The following HDAC4 variants were observed in gnomAD, a reference collection of about 807,000 sequenced individuals.
HDAC4 encodes histone deacetylase A.
In HDAC4, 16 loss-of-function variants were observed where a neutral mutation model predicts 135.1. The observed-to-expected ratio is 0.12, with a 90% CI of 0.08 to 0.18. The LOEUF (loss-of-function observed/expected upper bound fraction) is 0.18. HDAC4 is among the 10% of genes least tolerant of loss of function. The pLI, the probability that HDAC4 is intolerant of heterozygous loss-of-function variation, is 1.00. For synonymous variants in HDAC4, 685 were observed against 653.4 expected, an observed-to-expected ratio of 1.05 and a Z score of -0.74; for missense variants, 1,143 against 1,511.8, an observed-to-expected ratio of 0.76 and a Z score of 4.05.
chr2:239,115,012 G>C lies in HDAC4; in HGVS notation c.1791+41C>G. 6.2e-7 allele frequency: 1 copy of C among 1,603,052 alleles called. No homozygotes were observed. The highest frequency in any genetic ancestry group is 8.5e-7 in the Non-Finnish European group (1 of 1,178,624). ...TGCCACCTGGGGACCGAGGGTGGCT[G>C]TGCGTGCCAGCCTTCTGGTGCCCTC... is the stretch of plus-strand genomic sequence containing the variant. On this transcript the variant is annotated intron_variant, in intron 13 of 26. Transcript: ENST00000543185. The surrounding 1 kb of genome is among the most constrained non-coding windows in gnomAD (Gnocchi z 6.3).
intron 24 of HDAC4, among the ~76,000 whole-genome samples, chr2:239,060,299 C>T (rs2032490785): frequency 1.3e-5 from 2 of 152,306 alleles, no homozygotes; most frequent in South Asian, 4.1e-4. Context: ...TGGGTGTTGT[C>T]TCCCTGGACT....
chr2:239,325,797 T>C (rs192925799), intron 2 of HDAC4, among the ~76,000 whole-genome samples: 203 of 152,080 alleles, frequency 1.3e-3, no homozygotes, highest in African/African-American at 4.6e-3. Flanking sequence ...AAACCCCATC[T>C]CTACTAAAAA....
At chr2:239,077,336 G>A (rs1468615971) in intron 22 of HDAC4, among the ~76,000 whole-genome samples, 1 of 152,228 alleles carries the variant, frequency 6.6e-6, no homozygotes, top group Non-Finnish European at 1.5e-5. Flanking sequence ...GGACTCAGCT[G>A]GGGGCTTGCC....
intron 16 of HDAC4, among the ~76,000 whole-genome samples, chr2:239,100,718 C>T (rs889402090): frequency 6.6e-6 from 1 of 152,180 alleles, no homozygotes. Flanking sequence ...CCCCTGATGT[C>T]AGCTTCTTTG....
At chr2:239,081,297 C>G in intron 21 of HDAC4, 105 bp from the exon 22 acceptor site, 1 of 933,714 alleles carries the variant, frequency 1.1e-6, no homozygotes, top group Non-Finnish European at 1.7e-6. Flanking sequence ...CCTTGGTGGG[C>G]CCCTGGGGAG....
chr2:239,263,705 T>C (rs890379714), intron 2 of HDAC4, among the ~76,000 whole-genome samples: 1 of 152,034 alleles, frequency 6.6e-6, no homozygotes, highest in Non-Finnish European at 1.5e-5. Flanking sequence ...AAGTTGGAGG[T>C]GTTAACCACA....
chr2:239,108,269 G>A, intron 14 of HDAC4, 86 bp from the exon 15 acceptor site: 1 of 1,454,580 alleles, frequency 6.9e-7, no homozygotes, highest in Admixed American at 2.0e-5. Flanking sequence ...GGTGGTGGCG[G>A]AACCACCACT....
chr2:239,086,358 TGTACATGAAGGAGA>T (rs1410374532), intron 19 of HDAC4, among the ~76,000 whole-genome samples: 1 of 144,162 alleles, frequency 6.9e-6, no homozygotes, highest in Non-Finnish European at 1.5e-5. Context: ...GTCTCCTCCC[TGTACATGAAGGAGA>T]ATCTGCTCTA....
In HDAC4 at chr2:239,126,452, C is replaced by T. The variant is rs1184474318; in HGVS notation, c.1533+4G>A. 1.2e-6 allele frequency: 2 copies of T among 1,613,702 alleles called. No homozygotes were observed. Among genetic ancestry groups the T allele is most frequent in the East Asian group, 2.2e-5 (1 of 44,886 alleles). ...GCCTGGGAGCGCTGAGCCGGCAAAC[C>T]CACCTTGTTCATCTGCAGTTGCTGC... On this transcript the variant is annotated splice_donor_region_variant and intron_variant, in intron 12 of 26. Coordinates refer to ENST00000543185, the MANE Select transcript of HDAC4 (RefSeq NM_001378414.1).
chr2:239,336,495 C>G (rs914715092), intron 2 of HDAC4, among the ~76,000 whole-genome samples: 2 of 152,072 alleles, frequency 1.3e-5, no homozygotes, highest in African/African-American at 4.8e-5. Flanking sequence ...GTTACTCTAC[C>G]ACATCCATGC....
chr2:239,134,289 A>G lies in HDAC4; in HGVS notation c.1250T>C (p.Met417Thr). ...GAAHSPLLQH[M>T]VLLEQPPAQA... ...TGCCGGCGGCTGCTCCAGTAAGACC[A>G]TGTGCTGCAGAAGAGGGCTGTGCGC... Residue 417 changes from methionine to threonine, a missense_variant, in exon 11 of 27, where the codon ATG becomes ACG. By Grantham distance (81) the Met-to-Thr change is moderately conservative (BLOSUM62 -1). Coordinates refer to ENST00000543185, the MANE Select transcript of HDAC4 (RefSeq NM_001378414.1). The G allele has an allele frequency of 1.2e-6, 2 of 1,613,410 alleles. No individual in the cohort carries two copies. The highest frequency in any genetic ancestry group is 2.7e-5 in the African/African-American group (2 of 75,050).
In HDAC4 at chr2:239,236,650, G is replaced by A. The variant is rs1336002481; in HGVS notation, c.37C>T (p.Arg13Ter). The change falls in exon 3 of 27, where the codon CGA becomes TGA. Residue 13 changes from arginine to a stop codon, truncating the protein, a stop_gained. Transcript: ENST00000543185. LOFTEE classifies it high-confidence loss of function. ...SQSHPDGLSG[R>*]DQPVELLNPA... ...TTCAGCAGCTCCACTGGCTGGTCTC[G>A]GCCAGAAAGTCCATCTGGAGAACAG... is the stretch of plus-strand genomic sequence containing the variant. 1 of 1,551,462 alleles carries A rather than the reference G, an allele frequency of 6.4e-7. No individual in the cohort carries two copies. Among genetic ancestry groups the A allele is most frequent in the Non-Finnish European group, 8.7e-7 (1 of 1,146,922 alleles).
At chr2:239,297,373 T>C (rs1324910407) in intron 2 of HDAC4, among the ~76,000 whole-genome samples, 2 of 152,180 alleles carry the variant, frequency 1.3e-5, no homozygotes, top group African/African-American at 4.8e-5. Flanking sequence ...CACCAACCTG[T>C]GGGCAAGCCA....
Position 239,084,182 on chromosome 2 carries a change from G to C in HDAC4, c.2505C>G (p.Ser835Arg). 1.9e-6 allele frequency: 3 copies of C among 1,613,364 alleles called. No homozygotes were observed. Among genetic ancestry groups the C allele is most frequent in the South Asian group, 1.1e-5 (1 of 90,986 alleles). Residue 835 changes from serine (S) to arginine (R), a missense_variant, in exon 20 of 27, where the codon AGC becomes AGG. Ser to Arg is a moderately radical substitution (Grantham distance 110). Coordinates refer to ENST00000543185, the MANE Select transcript of HDAC4 (RefSeq NM_001378414.1). Reference sequence around the variant, plus strand: ...AGTCCACGATGAGGATCTTGCTCACGCTCAACCTCTGCTGCAGAAGCTTGG... The same window carrying C: ...AGTCCACGATGAGGATCTTGCTCACCCTCAACCTCTGCTGCAGAAGCTTGG... ...VAAKLLQQRL[S>R]VSKILIVDWD...
At chr2:239,100,223 G>A (rs1307675169) in intron 16 of HDAC4, among the ~76,000 whole-genome samples, 1 of 152,190 alleles carries the variant, frequency 6.6e-6, no homozygotes, top group Non-Finnish European at 1.5e-5. Context: ...TGCCTTCCCT[G>A]GGAACTCCTG....
Position 239,397,265 on chromosome 2 carries a change from C to T in HDAC4, c.-220+3713G>A, listed in dbSNP as rs552295874. Among the ~76,000 whole-genome samples the T allele has an allele frequency of 2.6e-5, 4 of 152,310 alleles. No homozygotes were observed. The East Asian group carries it at 7.7e-4, about 29-fold the overall frequency. Reference sequence around the variant, plus strand: ...GAGATGCAGGGGGTGGCACATGGTCCATTTCATTCTACCCCCAGTTCCTCC... The same window carrying T: ...GAGATGCAGGGGGTGGCACATGGTCTATTTCATTCTACCCCCAGTTCCTCC... On this transcript the variant is annotated intron_variant, in intron 1 of 26. Coordinates refer to ENST00000543185, the MANE Select transcript of HDAC4 (RefSeq NM_001378414.1).
rs1438518798 is a variant in HDAC4, at chr2:239,307,736, T to A, written c.22+44942A>T. 6.6e-6 allele frequency among the ~76,000 whole-genome samples: 1 copy of A among 152,170 alleles called. No homozygotes were observed. The highest frequency in any genetic ancestry group is 1.5e-5 in the Non-Finnish European group (1 of 68,036). ...GCAAATGCTGCTGGGATGATTTTCT[T>A]CAAGTTCTCTTTTAGAACAAGCAAA... On this transcript the variant is annotated intron_variant, in intron 2 of 26. Transcript: ENST00000543185. The surrounding 1 kb of genome is among the most constrained non-coding windows in gnomAD (Gnocchi z 4.8).
At position 239,190,007 on chromosome 2, in the gene HDAC4, G is replaced by C. The variant is rs1303851024; in HGVS notation, c.165C>G (p.His55Gln). Residue 55 changes from histidine to glutamine, a missense_variant, in exon 4 of 27, where the codon CAC becomes CAG. His to Gln is a conservative substitution (Grantham distance 24). Around this residue, in one of 9 missense-constraint regions of HDAC4, gnomAD observed 247 missense variants for 310.0 expected, o/e 0.80. Transcript: ENST00000543185. Reference sequence around the variant, plus strand: ...GCTCTGCCACAGGCAGTGAGAACTGGTGGTCCAGGCGCAGGTCCATGGGCA... The same window carrying C: ...GCTCTGCCACAGGCAGTGAGAACTGCTGGTCCAGGCGCAGGTCCATGGGCA... ...SAVPMDLRLD[H>Q]QFSLPVAEPA... 1 of 1,605,906 alleles carries C rather than the reference G, an allele frequency of 6.2e-7. No homozygotes were observed. Among genetic ancestry groups the C allele is most frequent in the Non-Finnish European group, 8.5e-7 (1 of 1,179,886 alleles).
chr2:239,144,806 G>A lies in HDAC4; in HGVS notation c.734-92C>T, dbSNP rs1486159437. 6.7e-6 allele frequency: 9 copies of A among 1,341,654 alleles called. No individual in the cohort carries two copies. The East Asian group carries it at 1.6e-4, about 24-fold the overall frequency. 83.1% of individuals were successfully genotyped at this position (1,341,654 alleles called of 1,614,324 possible). Reference sequence around the variant, plus strand: ...GTTTTTTAAAAATACGCACTCTGGTGAGTAAATATTTGCTCAACACTGCTG... The same window carrying A: ...GTTTTTTAAAAATACGCACTCTGGTAAGTAAATATTTGCTCAACACTGCTG... On this transcript the variant is annotated intron_variant, in intron 7 of 26. Coordinates refer to ENST00000543185, the MANE Select transcript of HDAC4 (RefSeq NM_001378414.1).
Sources: allele counts gnomAD v4.1 joint callset (sites outside exome capture counted in the v4.1 genomes callset), GRCh38; gene constraint gnomAD v4.1.1; regional missense constraint gnomAD v4.1.1; non-coding constraint Gnocchi (gnomAD v3.1); transcripts MANE v1.5; gene names NCBI Gene and HGNC (gene_info 2026-07-23, HGNC 2026-07-21).